Variants in MYOF observed in about 807,000 individuals in gnomAD.
MYOF encodes myoferlin, also known as fer-1-like 3, myoferlin.
A neutral mutation model predicts 284.2 loss-of-function variants in MYOF; 244 were observed. That is an observed-to-expected ratio of 0.86 (90% confidence interval 0.77 to 0.95). MYOF has a LOEUF of 0.95. Ranked by LOEUF, MYOF falls within the 40% of genes least tolerant of loss-of-function variation. The pLI is 0.00. For synonymous variants in MYOF, 904 were observed against 919.7 expected, an observed-to-expected ratio of 0.98 and a Z score of 0.31; for missense variants, 2,496 against 2,560.6, an observed-to-expected ratio of 0.97 and a Z score of 0.54.
At chr10:93,473,992 C>T (rs1281294872) in intron 1 of MYOF, among the ~76,000 whole-genome samples, 1 of 152,210 alleles carries the variant, frequency 6.6e-6, no homozygotes, top group Non-Finnish European at 1.5e-5. Context: ...ACCAGCCCTG[C>T]ACTCGCCCAC....
intron 35 of MYOF, 150 bp from the exon 36 acceptor site, chr10:93,350,119 GTTTT>G: frequency 1.3e-6 from 1 of 792,522 alleles, no homozygotes; most frequent in Non-Finnish European, 1.9e-6. Flanking sequence ...AAAGAAAGTG[GTTTT>G]GCCCCTTTCT....
intron 17 of MYOF, among the ~76,000 whole-genome samples, chr10:93,392,416 C>A (rs1242096384): frequency 6.6e-6 from 1 of 152,108 alleles, no homozygotes; most frequent in Non-Finnish European, 1.5e-5. Flanking sequence ...CAGTATTGAG[C>A]AAACTTGCAA....
At chr10:93,366,292 A>G (rs1312934500) in intron 26 of MYOF, 100 bp downstream of exon 26, 7 of 1,294,488 alleles carry the variant, frequency 5.4e-6, no homozygotes, top group Non-Finnish European at 7.6e-6. Flanking sequence ...TGGGTGTTAC[A>G]TAACTATTAT....
intron 1 of MYOF, among the ~76,000 whole-genome samples, chr10:93,457,345 T>TA (rs2056767935): frequency 6.6e-6 from 1 of 152,234 alleles, no homozygotes; most frequent in East Asian, 1.9e-4. Context: ...TGCCCTGATT[T>TA]AAACCTGGAA....
chr10:93,340,515 G>C (rs542994511), intron 38 of MYOF, among the ~76,000 whole-genome samples: 1 of 152,166 alleles, frequency 6.6e-6, no homozygotes, highest in East Asian at 1.9e-4. Context: ...GGAGCAGGGT[G>C]TGGAGCTGCT....
intron 46 of MYOF, 97 bp from the exon 47 acceptor site, chr10:93,323,455 CTTTG>C: frequency 1.9e-6 from 1 of 527,988 alleles, no homozygotes; most frequent in Non-Finnish European, 3.0e-6. Context: ...CTATTTCTTT[CTTTG>C]GTCTCTCTAA....
At chr10:93,345,205 G>A (rs139614557) in intron 37 of MYOF, among the ~76,000 whole-genome samples, 287 of 152,270 alleles carry the variant, frequency 1.9e-3, no homozygotes, top group African/African-American at 6.3e-3. Flanking sequence ...ACCATGTGCT[G>A]GGCACTGAGC....
At chr10:93,466,837 G>T (rs56397109) in intron 1 of MYOF, among the ~76,000 whole-genome samples, 3,858 of 152,170 alleles carry the variant, frequency 0.025, 69 homozygotes, top group Non-Finnish European at 0.042. Flanking sequence ...AGCCTGGCAT[G>T]GTGGCTTGCA....
At chr10:93,407,676 T>C (rs1847676042) in intron 7 of MYOF, among the ~76,000 whole-genome samples, 1 of 147,008 alleles carries the variant, frequency 6.8e-6, no homozygotes, top group African/African-American at 2.6e-5. Context: ...AGGCAGAGCT[T>C]GCAGTAAGCC....
chr10:93,360,104 G>T, intron 28 of MYOF, 126 bp from the exon 29 acceptor site: 2 of 1,180,342 alleles, frequency 1.7e-6, no homozygotes, highest in Non-Finnish European at 1.2e-6. Flanking sequence ...GACCGAATAT[G>T]TGGCTGTTTT....
intron 46 of MYOF, among the ~76,000 whole-genome samples, chr10:93,325,268 T>C (rs1261383505): frequency 6.6e-6 from 1 of 152,172 alleles, no homozygotes; most frequent in African/African-American, 2.4e-5. Flanking sequence ...TGGAAACTGC[T>C]CTCCATCTTC....
chr10:93,422,898 A>G (rs768801674), intron 5 of MYOF, among the ~76,000 whole-genome samples: 1 of 152,222 alleles, frequency 6.6e-6, no homozygotes, highest in Non-Finnish European at 1.5e-5. Flanking sequence ...TTTTACTTGA[A>G]TGAACCACAG....
At chr10:93,429,735 A>G (rs1848748238) in intron 4 of MYOF, among the ~76,000 whole-genome samples, 1 of 152,138 alleles carries the variant, frequency 6.6e-6, no homozygotes, top group Non-Finnish European at 1.5e-5. Context: ...CCCTTTGCCC[A>G]GGCTCCCAAG....
intron 53 of MYOF, among the ~76,000 whole-genome samples, chr10:93,308,457 C>T (rs1221868770): frequency 1.4e-5 from 2 of 142,588 alleles, no homozygotes; most frequent in African/African-American, 2.6e-5. Context: ...TGGTGGCAGG[C>T]ACCTGTAATC....
At chr10:93,403,092 TTGAA>T (rs1589512678) in intron 9 of MYOF, among the ~76,000 whole-genome samples, 1 of 152,296 alleles carries the variant, frequency 6.6e-6, no homozygotes, top group East Asian at 1.9e-4. Context: ...TAAGTCACTA[TTGAA>T]TGAATGAGCT....
chr10:93,329,309 C>T (rs1348139790), intron 44 of MYOF, among the ~76,000 whole-genome samples: 1 of 152,184 alleles, frequency 6.6e-6, no homozygotes, highest in Non-Finnish European at 1.5e-5. Flanking sequence ...CAAAGAATCC[C>T]TATTTCCCAA....
chr10:93,378,391 T>G (rs1845939553), intron 21 of MYOF, among the ~76,000 whole-genome samples: 1 of 152,110 alleles, frequency 6.6e-6, no homozygotes, highest in Non-Finnish European at 1.5e-5. Context: ...AGATGTACAT[T>G]GCCTATCAAT....
chr10:93,320,032 C>T lies in MYOF; in HGVS notation c.5457-19G>A, dbSNP rs746239162. 1 of 1,613,892 alleles carries T rather than the reference C, an allele frequency of 6.2e-7. No homozygotes were observed. The highest frequency in any genetic ancestry group is 1.1e-5 in the South Asian group (1 of 91,052). ...AATCCAGCTGAAAGGCAGAGGCAAACAGACTTAGCTTCACGTGATTGACAA... is the reference window on the plus strand; with the variant it reads ...AATCCAGCTGAAAGGCAGAGGCAAATAGACTTAGCTTCACGTGATTGACAA... On this transcript the variant is annotated intron_variant, in intron 48 of 53. Coordinates refer to ENST00000359263, the MANE Select transcript of MYOF (RefSeq NM_013451.4).
chr10:93,397,153 G>A, intron 15 of MYOF, 94 bp downstream of exon 15: 1 of 1,149,626 alleles, frequency 8.7e-7, no homozygotes, highest in Non-Finnish European at 1.2e-6. Context: ...TGGAAGGAAA[G>A]CAAAATACCA....
Sources: gnomAD v4.1 joint callset for allele counts (sites outside exome capture counted in the v4.1 genomes callset) on GRCh38, gnomAD v4.1.1 for gene constraint, MANE v1.5 for transcripts, NCBI Gene and HGNC (gene_info 2026-07-23, HGNC 2026-07-21) for gene names.